Variants in COL25A1 observed in about 807,000 individuals in gnomAD.
COL25A1 encodes the protein collagen type XXV alpha 1 chain.
Under a neutral mutation model 128.4 loss-of-function variants are expected in COL25A1, and 103 were observed. That is an observed-to-expected ratio of 0.80 (90% CI 0.68 to 0.94). The LOEUF (loss-of-function observed/expected upper bound fraction) is 0.94, where lower values mean the gene tolerates loss of function less well. Ranked by LOEUF, COL25A1 falls within the 40% of genes least tolerant of loss-of-function variation. COL25A1 has a pLI of 0.00. For synonymous variants in COL25A1, 279 were observed against 277.2 expected, an observed-to-expected ratio of 1.01 and a Z score of -0.06; for missense variants, 745 against 840.0, an observed-to-expected ratio of 0.89 and a Z score of 1.40.
intron 3 of COL25A1, among the ~76,000 whole-genome samples, chr4:109,062,227 A>G (rs1217256920): frequency 2.6e-5 from 4 of 152,198 alleles, no homozygotes; most frequent in Non-Finnish European, 5.9e-5. Flanking sequence ...AAGTAGACCA[A>G]GAGCTCTGGA....
At chr4:109,184,182 C>T (rs1476898493) in intron 3 of COL25A1, among the ~76,000 whole-genome samples, 3 of 152,218 alleles carry the variant, frequency 2.0e-5, no homozygotes, top group Non-Finnish European at 2.9e-5. Flanking sequence ...CAAGGAAGTG[C>T]TAAACCAGGC....
At chr4:109,052,000 C>T (rs1359826332) in intron 3 of COL25A1, among the ~76,000 whole-genome samples, 1 of 152,112 alleles carries the variant, frequency 6.6e-6, no homozygotes, top group South Asian at 2.1e-4. Context: ...GTCTCACCTA[C>T]AACAATGGTG....
Position 109,211,290 on chromosome 4 carries a change from C to CTATATATA in COL25A1, c.367+89285_367+89292dup, listed in dbSNP as rs753994624. 3.0e-3 allele frequency among the ~76,000 whole-genome samples: 303 copies of CTATATATA among 102,354 alleles called. 11 individuals are homozygous for CTATATATA. Among genetic ancestry groups the CTATATATA allele is most frequent in the Non-Finnish European group, 4.8e-3 (202 of 42,244 alleles). The allele number at this position is 102,354 out of a possible 152,430, so 67.1% of individuals were successfully genotyped here. A position where few individuals can be genotyped will look rare whatever the true frequency, so the allele number is the denominator to read the frequency against. ...TATATGAAACTATATATATATGAAA[C>CTATATATA]TATATATATATATATATATATATAT... On this transcript the variant is annotated intron_variant, in intron 3 of 37. Transcript: ENST00000399132.
chr4:109,106,775 G>T (rs373108943), intron 3 of COL25A1, among the ~76,000 whole-genome samples: 1 of 151,366 alleles, frequency 6.6e-6, no homozygotes, highest in Non-Finnish European at 1.5e-5. Flanking sequence ...AATTTTTTGG[G>T]GGGGTGGGAG....
chr4:108,914,514 G>C (rs1235160547), intron 13 of COL25A1, among the ~76,000 whole-genome samples: 1 of 152,096 alleles, frequency 6.6e-6, no homozygotes, highest in Non-Finnish European at 1.5e-5. Flanking sequence ...TTAGTCCTTA[G>C]GGTCAGGGAG....
chr4:109,101,303 G>A (rs1215323656), intron 3 of COL25A1, among the ~76,000 whole-genome samples: 1 of 152,160 alleles, frequency 6.6e-6, no homozygotes, highest in Non-Finnish European at 1.5e-5. Flanking sequence ...AGGTAAGGCT[G>A]AGCCCTCGGT....
At chr4:109,153,487 G>A (rs1771721541) in intron 3 of COL25A1, among the ~76,000 whole-genome samples, 1 of 152,002 alleles carries the variant, frequency 6.6e-6, no homozygotes, top group Non-Finnish European at 1.5e-5. Flanking sequence ...AAACCAAAGG[G>A]AAATATTTCA....
At chr4:109,124,096 TTATTTTACTATTC>T (rs1560731160) in intron 3 of COL25A1, among the ~76,000 whole-genome samples, 4 of 152,238 alleles carry the variant, frequency 2.6e-5, no homozygotes, top group Non-Finnish European at 5.9e-5. Context: ...CTACTTTCTA[TTATTTTACTATTC>T]TGTTTCAGGC....
Position 109,223,549 on chromosome 4 carries a change from T to A in COL25A1, c.367+77034A>T, listed in dbSNP as rs533232287. Among the ~76,000 whole-genome samples, 56 of 152,180 alleles carry A rather than the reference T, an allele frequency of 3.7e-4. 1 individual carries two copies. The South Asian group carries it at 0.012, about 32-fold the overall frequency. ...ACCCAAAACCAAGTCAGAAAAGAGT[T>A]CTGAAAGAAAGTGAGTGGGGACATC... On this transcript the variant is annotated intron_variant, in intron 3 of 37. Transcript: ENST00000399132.
chr4:108,989,933 C>A (rs1354495978), intron 6 of COL25A1, among the ~76,000 whole-genome samples: 2 of 151,840 alleles, frequency 1.3e-5, no homozygotes, highest in African/African-American at 4.8e-5. Context: ...ACCAAATACG[C>A]CGGGCGCAGT....
rs1384763743 is a variant in COL25A1, at chr4:108,809,822, G to A, written c.*4105C>T. 6.6e-6 allele frequency: 1 copy of A among 151,982 alleles called. No individual in the cohort carries two copies. The highest frequency in any genetic ancestry group is 1.9e-4 in the East Asian group (1 of 5,194). The allele number at this position is 151,982 out of a possible 1,614,324, so 9.4% of individuals were successfully genotyped here. On this transcript the variant is annotated 3_prime_UTR_variant, in exon 38 of 38. Coordinates refer to ENST00000399132, the MANE Select transcript of COL25A1 (RefSeq NM_198721.4). Reference sequence around the variant, plus strand: ...ATTTAGCATAATCATAATTGGTCAAGCTTGTTAATTCCACTAGGGATGTAT... The same window carrying A: ...ATTTAGCATAATCATAATTGGTCAAACTTGTTAATTCCACTAGGGATGTAT...
intron 6 of COL25A1, among the ~76,000 whole-genome samples, chr4:108,984,566 A>G (rs1335485842): frequency 6.6e-6 from 1 of 152,192 alleles, no homozygotes; most frequent in Non-Finnish European, 1.5e-5. Context: ...GCCCAGCGAG[A>G]AATTGAGCAC....
Position 108,809,916 on chromosome 4 carries a change from C to T in COL25A1, c.*4011G>A, listed in dbSNP as rs1294415547. The T allele has an allele frequency of 2.6e-5, 4 of 151,886 alleles. No individual in the cohort carries two copies. Among genetic ancestry groups the T allele is most frequent in the African/African-American group, 9.7e-5 (4 of 41,428 alleles). 9.4% of individuals were successfully genotyped at this position (151,886 alleles called of 1,614,324 possible). On this transcript the variant is annotated 3_prime_UTR_variant, in exon 38 of 38. Coordinates refer to ENST00000399132, the MANE Select transcript of COL25A1 (RefSeq NM_198721.4). ...TTTTTAGAAAGATAAGATAGGGTTCCTAAGGACTTAACTTCCAAGAGATAG... is the reference window on the plus strand; with the variant it reads ...TTTTTAGAAAGATAAGATAGGGTTCTTAAGGACTTAACTTCCAAGAGATAG...
chr4:109,082,425 T>G (rs1281085322), intron 3 of COL25A1, among the ~76,000 whole-genome samples: 1 of 152,228 alleles, frequency 6.6e-6, no homozygotes, highest in Non-Finnish European at 1.5e-5. Context: ...CCCATCAGCA[T>G]GTATGAGGGT....
chr4:109,013,701 A>G (rs886145639), intron 5 of COL25A1, among the ~76,000 whole-genome samples: 4 of 151,838 alleles, frequency 2.6e-5, no homozygotes, highest in African/African-American at 9.7e-5. Context: ...AGCTGTTAAC[A>G]CTCACCGGGA....
rs1294184994 is a variant in COL25A1, at chr4:108,812,707, T to C, written c.*1220A>G. 1 of 152,204 alleles carries C rather than the reference T, an allele frequency of 6.6e-6. No individual in the cohort carries two copies. The highest frequency in any genetic ancestry group is 1.5e-5 in the Non-Finnish European group (1 of 68,032). The allele number at this position is 152,204 out of a possible 1,614,324, so 9.4% of individuals were successfully genotyped here. A position where few individuals can be genotyped will look rare whatever the true frequency, so the allele number is the denominator to read the frequency against. On this transcript the variant is annotated 3_prime_UTR_variant, in exon 38 of 38. Coordinates refer to ENST00000399132, the MANE Select transcript of COL25A1 (RefSeq NM_198721.4). ...CATTAAAAAGAATGAAAAATACCTG[T>C]TTCTCAAACTTTGTAGGAAATGTTT... is the stretch of plus-strand genomic sequence containing the variant.
intron 3 of COL25A1, among the ~76,000 whole-genome samples, chr4:109,294,265 T>C (rs915910583): frequency 6.6e-6 from 1 of 152,094 alleles, no homozygotes; most frequent in African/African-American, 2.4e-5. Flanking sequence ...ATTTCCTCAA[T>C]GGCTCCTTTC....
intron 3 of COL25A1, among the ~76,000 whole-genome samples, chr4:109,081,702 T>C (rs1440251069): frequency 1.3e-5 from 2 of 151,898 alleles, no homozygotes; most frequent in Admixed American, 6.6e-5. Context: ...TATTTTGTTT[T>C]TTCTTTTATT....
chr4:108,846,269 T>A (rs766104826), intron 27 of COL25A1, 50 bp from the exon 28 acceptor site: 1 of 1,080,452 alleles, frequency 9.3e-7, no homozygotes, highest in Non-Finnish European at 1.4e-6. Flanking sequence ...TGACCCCCGA[T>A]AATTACATCC....
Sources: allele counts gnomAD v4.1 joint callset (sites outside exome capture counted in the v4.1 genomes callset), GRCh38; gene constraint gnomAD v4.1.1; transcripts MANE v1.5; gene names NCBI Gene and HGNC (gene_info 2026-07-23, HGNC 2026-07-21).